Variants in VWA3A observed in about 807,000 individuals in gnomAD.
The protein encoded by VWA3A is von Willebrand factor A domain-containing protein 3A.
In VWA3A, 134 loss-of-function variants were observed where a neutral mutation model predicts 160.4. The ratio of observed to expected loss-of-function variants is 0.84; its 90% CI spans 0.73 to 0.96. The LOEUF (loss-of-function observed/expected upper bound fraction) is 0.96. Among genes scored for constraint, VWA3A ranks in the 40% least tolerant of loss-of-function variants. The pLI is 0.00. For missense variants in VWA3A, 1,310 were observed against 1,447.9 expected, an observed-to-expected ratio of 0.90 and a Z score of 1.55; for synonymous variants, 476 against 543.4, an observed-to-expected ratio of 0.88 and a Z score of 1.72.
Position 22,150,749 on chromosome 16 carries a change from C to T in VWA3A, c.3184C>T (p.Pro1062Ser), listed in dbSNP as rs754113343. ...ATTGTACCTCCTGACCGACGGAAAGCCAGACACAAGCTGCAGCCTTGTCCT... is the reference window on the plus strand; with the variant it reads ...ATTGTACCTCCTGACCGACGGAAAGTCAGACACAAGCTGCAGCCTTGTCCT... ...EGLYLLTDGK[P>S]DTSCSLVLNE... is the part of the protein sequence containing the mutation. Residue 1062 changes from proline to serine, a missense_variant, in exon 30 of 34, where the codon CCA (proline) becomes TCA (serine). Pro to Ser is a moderately conservative substitution (Grantham distance 74, BLOSUM62 -1). Transcript: ENST00000389398. 11 of 1,612,496 alleles carry T rather than the reference C, an allele frequency of 6.8e-6. No individual in the cohort carries two copies. In the East Asian group the frequency reaches 2.5e-4, roughly 36 times the overall value.
chr16:22,128,534 G>A (rs574803987), intron 17 of VWA3A, among the ~76,000 whole-genome samples: 2 of 152,252 alleles, frequency 1.3e-5, no homozygotes, highest in African/African-American at 4.8e-5. Flanking sequence ...ATTCCTCAAA[G>A]ACCTAAAAAC....
intron 14 of VWA3A, among the ~76,000 whole-genome samples, chr16:22,121,902 C>T (rs990978204): frequency 4.6e-5 from 7 of 152,240 alleles, no homozygotes; most frequent in Admixed American, 1.3e-4. Flanking sequence ...TTTATGTCCT[C>T]GCTGTACCTA....
At chr16:22,147,752 G>C in intron 27 of VWA3A, 1 of 687,752 alleles carries the variant, frequency 1.5e-6, no homozygotes, top group Non-Finnish European at 2.6e-6. Flanking sequence ...GAGATCCAGC[G>C]ATTTCTTTTG....
intron 6 of VWA3A, among the ~76,000 whole-genome samples, chr16:22,109,083 G>T (rs952432607): frequency 1.1e-4 from 16 of 152,140 alleles, no homozygotes; most frequent in Admixed American, 9.8e-4. Context: ...ATCTGTCTTT[G>T]ATTGATAGAG....
intron 27 of VWA3A, among the ~76,000 whole-genome samples, chr16:22,146,640 C>T (rs1416796982): frequency 1.3e-5 from 2 of 152,012 alleles, no homozygotes; most frequent in Non-Finnish European, 2.9e-5. Flanking sequence ...AAAAATTAGC[C>T]AGGCATGGTG....
chr16:22,110,785 C>A, intron 7 of VWA3A, 103 bp from the exon 8 acceptor site: 1 of 1,081,826 alleles, frequency 9.2e-7, no homozygotes, highest in Admixed American at 2.7e-5. Flanking sequence ...CTATTCAGTA[C>A]AGCTCACACC....
intron 23 of VWA3A, chr16:22,141,253 G>A (rs1486221525): frequency 1.9e-6 from 1 of 515,640 alleles, no homozygotes; most frequent in South Asian, 1.5e-5. Flanking sequence ...GGACCAGGTA[G>A]AATCATGCCC....
chr16:22,140,552 G>T (rs1207218615), intron 23 of VWA3A, among the ~76,000 whole-genome samples: 1 of 151,794 alleles, frequency 6.6e-6, no homozygotes, highest in African/African-American at 2.4e-5. Context: ...GCTGCAGTGA[G>T]CTATCATTGC....
rs531554527 is a variant in VWA3A at position 22,110,267 on chromosome 16, G to A, written c.583-621G>A. On this transcript the variant is annotated intron_variant, in intron 7 of 33. Transcript: ENST00000389398. Reference sequence around the variant, plus strand: ...GGCCTAGAGAAAAAGCCTCTGCAGCGTGATGTGATGTGGACAGGCTATTTT... The same window carrying A: ...GGCCTAGAGAAAAAGCCTCTGCAGCATGATGTGATGTGGACAGGCTATTTT... Among the ~76,000 whole-genome samples, 7 of 152,326 alleles carry A rather than the reference G, an allele frequency of 4.6e-5. No individual in the cohort carries two copies. In the South Asian group the frequency reaches 6.2e-4, roughly 14 times the overall value.
At chr16:22,123,226 T>C in intron 15 of VWA3A, 61 bp downstream of exon 15, 1 of 1,471,088 alleles carries the variant, frequency 6.8e-7, no homozygotes, top group Non-Finnish European at 9.3e-7. Flanking sequence ...GGGAGGAAGG[T>C]TCCCTGGGCT....
chr16:22,141,072 T>A, intron 23 of VWA3A: 3 of 403,604 alleles, frequency 7.4e-6, no homozygotes, highest in Non-Finnish European at 1.5e-5. Flanking sequence ...CTTCCTATTG[T>A]ACTGACAAAG....
intron 9 of VWA3A, 103 bp from the exon 10 acceptor site, chr16:22,116,656 G>C: frequency 4.3e-6 from 4 of 924,150 alleles, no homozygotes; most frequent in Non-Finnish European, 6.8e-6. Context: ...CAGGTGGCCA[G>C]TTAAGAATGG....
chr16:22,119,138 C>G, intron 12 of VWA3A, 111 bp downstream of exon 12: 2 of 1,335,582 alleles, frequency 1.5e-6, no homozygotes, highest in South Asian at 3.0e-5. Context: ...CCTGTCACTT[C>G]CTAAAATCGA....
chr16:22,138,616 G>A, intron 22 of VWA3A, 104 bp downstream of exon 22: 1 of 1,467,898 alleles, frequency 6.8e-7, no homozygotes, highest in Non-Finnish European at 9.2e-7. Flanking sequence ...ATGGGGGTGG[G>A]TGCTTCAGTG....
chr16:22,153,525 G>T (rs1325489977), intron 31 of VWA3A, among the ~76,000 whole-genome samples: 2 of 152,072 alleles, frequency 1.3e-5, no homozygotes, highest in Admixed American at 6.6e-5. Context: ...AAAGTCATAG[G>T]TTATCTATTA....
Position 22,100,845 on chromosome 16 carries a change from A to C in VWA3A, c.428+352A>C, listed in dbSNP as rs550297684. Reference sequence around the variant, plus strand: ...AACAAGAGCATAACTCTGTCTCAAAAAAAAAAAAAAGAAAGGAAAAAGAAA... The same window carrying C: ...AACAAGAGCATAACTCTGTCTCAAACAAAAAAAAAAGAAAGGAAAAAGAAA... On this transcript the variant is annotated intron_variant, in intron 5 of 33. Coordinates refer to ENST00000389398, the MANE Select transcript of VWA3A (RefSeq NM_173615.5). 1.6e-4 allele frequency among the ~76,000 whole-genome samples: 24 copies of C among 150,460 alleles called. 1 individual carries two copies. The highest frequency in any genetic ancestry group is 1.3e-3 in the Admixed American group (20 of 15,204).
At chr16:22,123,553 T>C in intron 15 of VWA3A, 60 bp from the exon 16 acceptor site, 1 of 1,613,130 alleles carries the variant, frequency 6.2e-7, no homozygotes, top group Non-Finnish European at 8.5e-7. Flanking sequence ...GTACTTCCCC[T>C]CAGGCCCCTT....
At chr16:22,119,919 G>T (rs1015927907) in intron 12 of VWA3A, among the ~76,000 whole-genome samples, 1 of 151,516 alleles carries the variant, frequency 6.6e-6, no homozygotes, top group Non-Finnish European at 1.5e-5. Flanking sequence ...ATGGGAGGCT[G>T]ATTCAGGAGA....
chr16:22,120,673 T>A lies in VWA3A; in HGVS notation c.1117-295T>A, dbSNP rs781731774. Among the ~76,000 whole-genome samples, 27 of 152,120 alleles carry A rather than the reference T, an allele frequency of 1.8e-4. 1 individual carries two copies. The highest frequency in any genetic ancestry group is 1.2e-3 in the Admixed American group (18 of 15,280). ...GATTTGCTGCAGGAGTTTTTAGGGGTGACCTGTCACCTTGGAGTCCATGGT... is the reference window on the plus strand; with the variant it reads ...GATTTGCTGCAGGAGTTTTTAGGGGAGACCTGTCACCTTGGAGTCCATGGT... On this transcript the variant is annotated intron_variant, in intron 12 of 33. Coordinates refer to ENST00000389398, the MANE Select transcript of VWA3A (RefSeq NM_173615.5).
Sources: gnomAD v4.1 joint callset for allele counts (sites outside exome capture counted in the v4.1 genomes callset) on GRCh38, gnomAD v4.1.1 for gene constraint, MANE v1.5 for transcripts, NCBI Gene and HGNC (gene_info 2026-07-23, HGNC 2026-07-21) for gene names.